CPNE8: variants seen among roughly 807,000 people sequenced by gnomAD.
CPNE8 encodes copine 8.
A neutral mutation model predicts 81.5 loss-of-function variants in CPNE8; 45 were observed. The ratio of observed to expected loss-of-function variants is 0.55; its 90% CI spans 0.44 to 0.71. The LOEUF (loss-of-function observed/expected upper bound fraction) is 0.71, where lower values mean the gene tolerates loss of function less well. Ranked by LOEUF, CPNE8 falls within the 30% of genes least tolerant of loss-of-function variation. The pLI is 0.00. For missense variants in CPNE8, 594 were observed against 672.1 expected, an observed-to-expected ratio of 0.88 and a Z score of 1.28; for synonymous variants, 252 against 226.3, an observed-to-expected ratio of 1.11 and a Z score of -1.02.
chr12:38,697,632 A>G (rs1262605883), intron 14 of CPNE8, among the ~76,000 whole-genome samples: 1 of 151,980 alleles, frequency 6.6e-6, no homozygotes, highest in African/African-American at 2.4e-5. Flanking sequence ...TATAGTTTGG[A>G]TGTTTGTCCC....
chr12:38,844,271 A>T (rs1163039483), intron 4 of CPNE8, among the ~76,000 whole-genome samples: 1 of 152,136 alleles, frequency 6.6e-6, no homozygotes, highest in South Asian at 2.1e-4. Flanking sequence ...GTTATTTCTG[A>T]ATTATCCTCT....
rs1939356826 is a variant in CPNE8, at chr12:38,679,141, A to G, written c.1272-1587T>C. Among the ~76,000 whole-genome samples the G allele has an allele frequency of 2.0e-5, 3 of 151,840 alleles. No individual in the cohort carries two copies. In the South Asian group the frequency reaches 6.2e-4, roughly 31 times the overall value. ...ATGAAAGACTCTAAATAGTAGTGAA[A>G]ACCTTCTTAAGTACAACAGTATAGC... is the stretch of plus-strand genomic sequence containing the variant. On this transcript the variant is annotated intron_variant, in intron 16 of 19. Coordinates refer to ENST00000331366, the MANE Select transcript of CPNE8 (RefSeq NM_153634.3).
At chr12:38,740,594 C>T (rs1941075492) in intron 10 of CPNE8, among the ~76,000 whole-genome samples, 1 of 152,170 alleles carries the variant, frequency 6.6e-6, no homozygotes, top group Non-Finnish European at 1.5e-5. Context: ...CAGTTTTTAG[C>T]ATGAAGGACT....
chr12:38,781,354 G>C (rs567519668), intron 6 of CPNE8, among the ~76,000 whole-genome samples: 4 of 151,750 alleles, frequency 2.6e-5, no homozygotes, highest in Non-Finnish European at 4.4e-5. Context: ...TGCAAATATT[G>C]TATGTAATTA....
chr12:38,856,016 A>G (rs749788611), intron 3 of CPNE8, among the ~76,000 whole-genome samples: 6 of 152,052 alleles, frequency 3.9e-5, no homozygotes, highest in Non-Finnish European at 8.8e-5. Flanking sequence ...AAGAGAAAAC[A>G]TTACAAGTCA....
At chr12:38,864,679 A>G (rs1450297421) in intron 3 of CPNE8, among the ~76,000 whole-genome samples, 1 of 152,192 alleles carries the variant, frequency 6.6e-6, no homozygotes, top group Non-Finnish European at 1.5e-5. Flanking sequence ...ATCTCAAACC[A>G]TATACAAAAA....
chr12:38,877,907 G>C (rs1270639551), intron 1 of CPNE8, among the ~76,000 whole-genome samples: 1 of 152,152 alleles, frequency 6.6e-6, no homozygotes, highest in East Asian at 1.9e-4. Context: ...ACAGTATAAG[G>C]AGACTGGCAC....
At chr12:38,670,607 T>C (rs958087666) in intron 19 of CPNE8, 122 bp downstream of exon 19, 7 of 619,846 alleles carry the variant, frequency 1.1e-5, no homozygotes, top group Non-Finnish European at 1.6e-5. Flanking sequence ...TTAGTTTTTG[T>C]TGAGACTAAC....
intron 8 of CPNE8, among the ~76,000 whole-genome samples, chr12:38,767,248 T>C (rs962227063): frequency 6.6e-6 from 1 of 152,060 alleles, no homozygotes; most frequent in African/African-American, 2.4e-5. Flanking sequence ...TAGTCTCAGA[T>C]ATTATTGGCA....
At chr12:38,692,169 ATCCTAGC>A (rs1389693889) in intron 15 of CPNE8, among the ~76,000 whole-genome samples, 1 of 151,988 alleles carries the variant, frequency 6.6e-6, no homozygotes, top group Non-Finnish European at 1.5e-5. Flanking sequence ...CATGCCTGTA[ATCCTAGC>A]TACCTGGGAA....
intron 16 of CPNE8, among the ~76,000 whole-genome samples, chr12:38,681,235 A>G (rs751714045): frequency 7.2e-5 from 11 of 152,110 alleles, no homozygotes; most frequent in Non-Finnish European, 1.2e-4. Flanking sequence ...AATGATAAGA[A>G]CAGGAATGTA....
intron 4 of CPNE8, among the ~76,000 whole-genome samples, chr12:38,846,508 T>C (rs941628961): frequency 2.0e-5 from 3 of 152,144 alleles, no homozygotes; most frequent in Non-Finnish European, 2.9e-5. Flanking sequence ...CTTAGAGTCA[T>C]GGCAGGTCAT....
intron 7 of CPNE8, among the ~76,000 whole-genome samples, 165 bp from the exon 8 acceptor site, chr12:38,767,903 T>C (rs1941723451): frequency 6.6e-6 from 1 of 152,172 alleles, no homozygotes; most frequent in Non-Finnish European, 1.5e-5. Context: ...AAGGGTTATA[T>C]GACTTTAAAA....
chr12:38,826,158 T>C (rs374780211), intron 6 of CPNE8, among the ~76,000 whole-genome samples: 13 of 152,226 alleles, frequency 8.5e-5, no homozygotes, highest in African/African-American at 2.9e-4. Context: ...AATTTAGAAA[T>C]CTTCCACTGC....
At chr12:38,849,903 C>A (rs989178681) in intron 3 of CPNE8, among the ~76,000 whole-genome samples, 36 of 152,282 alleles carry the variant, frequency 2.4e-4, no homozygotes, top group South Asian at 6.2e-4. Context: ...GTAGAACTAG[C>A]CCCATTTTAG....
intron 6 of CPNE8, among the ~76,000 whole-genome samples, chr12:38,816,848 G>A (rs1345719580): frequency 2.0e-5 from 3 of 152,146 alleles, no homozygotes; most frequent in African/African-American, 4.8e-5. Context: ...CAATTACTGG[G>A]AGGGTCCAAT....
rs183403822 is a variant in CPNE8, at chr12:38,746,928, A to G, written c.722+13919T>C. On this transcript the variant is annotated intron_variant, in intron 10 of 19. Transcript: ENST00000331366. Reference sequence around the variant, plus strand: ...AATGTAATGTATCTTAATTAAATGAATGAGGAAACATCTAAGACGTGGTTT... The same window carrying G: ...AATGTAATGTATCTTAATTAAATGAGTGAGGAAACATCTAAGACGTGGTTT... Among the ~76,000 whole-genome samples the G allele has an allele frequency of 1.2e-4, 19 of 152,286 alleles. No homozygotes were observed. The East Asian group carries it at 3.3e-3, about 26-fold the overall frequency.
At chr12:38,902,339 A>AG (rs1944484015) in intron 1 of CPNE8, among the ~76,000 whole-genome samples, 1 of 76,578 alleles carries the variant, frequency 1.3e-5, no homozygotes, top group Admixed American at 1.3e-4. Flanking sequence ...AAAGAAAGAA[A>AG]GAAAGAAAGA....
intron 10 of CPNE8, among the ~76,000 whole-genome samples, chr12:38,746,706 G>A (rs531730315): frequency 6.6e-6 from 1 of 152,280 alleles, no homozygotes; most frequent in South Asian, 2.1e-4. Context: ...CATTGGAGAT[G>A]CTAACAGGAA....
Sources: gnomAD v4.1 joint callset for allele counts (sites outside exome capture counted in the v4.1 genomes callset) on GRCh38, gnomAD v4.1.1 for gene constraint, MANE v1.5 for transcripts, NCBI Gene and HGNC (gene_info 2026-07-23, HGNC 2026-07-21) for gene names.